SYNE1: variants seen among roughly 807,000 people sequenced by gnomAD.
SYNE1 encodes the protein spectrin repeat containing nuclear envelope protein 1.
In SYNE1, 616 loss-of-function variants were observed where a neutral mutation model predicts 1,111.0. The ratio of observed to expected loss-of-function variants is 0.55; its 90% CI spans 0.52 to 0.59. SYNE1 has a LOEUF of 0.59. Among genes scored for constraint, SYNE1 ranks in the 20% least tolerant of loss-of-function variants. The probability of loss-of-function intolerance (pLI) is 0.00; values close to 1 mark genes in which losing one functional copy is unlikely to be tolerated. For synonymous variants in SYNE1, 3,855 were observed against 3,825.8 expected (o/e 1.01, Z -0.28); for missense variants, 10,006 against 10,417.0 (o/e 0.96, Z 1.72).
intron 3 of SYNE1, among the ~76,000 whole-genome samples, chr6:152,582,159 C>T (rs1266244772): frequency 2.0e-5 from 3 of 152,080 alleles, no homozygotes; most frequent in African/African-American, 7.2e-5. Context: ...CAGCTGCCTG[C>T]CTGAAGGGAA....
chr6:152,447,972 C>T (rs889131370), intron 28 of SYNE1, among the ~76,000 whole-genome samples: 1 of 152,100 alleles, frequency 6.6e-6, no homozygotes, highest in Non-Finnish European at 1.5e-5. Flanking sequence ...TATCTCACTT[C>T]CTTTGAGCTG....
Position 152,322,857 on chromosome 6 carries a change from G to C in SYNE1, c.15917+621C>G, listed in dbSNP as rs570560268. Among the ~76,000 whole-genome samples the C allele has an allele frequency of 5.1e-4, 77 of 152,226 alleles. 1 individual carries two copies. The South Asian group carries it at 0.016, about 31-fold the overall frequency. The stretch of plus-strand genomic sequence containing the variant: ...CCTTCTTTGACCCCTCTCCTCGGCT[G>C]CTTGTCTCTGCTTCGGATTCCCTCA... On this transcript the variant is annotated intron_variant, in intron 82 of 145. Transcript: ENST00000367255.
chr6:152,239,950 C>T, intron 107 of SYNE1, among the ~76,000 whole-genome samples: 1 of 152,154 alleles, frequency 6.6e-6, no homozygotes, highest in Admixed American at 6.5e-5. Context: ...CCTAGCTACT[C>T]AGGAGGCTGA....
intron 6 of SYNE1, among the ~76,000 whole-genome samples, chr6:152,513,258 T>G (rs1256951029): frequency 6.6e-6 from 1 of 152,220 alleles, no homozygotes; most frequent in Non-Finnish European, 1.5e-5. Context: ...TATTTTGAAA[T>G]GTAACTCCCA....
Position 152,387,345 on chromosome 6 carries a change from A to G in SYNE1, c.8214T>C (p.Tyr2738=), listed in dbSNP as rs561155086. 10 of 1,614,160 alleles carry G rather than the reference A, an allele frequency of 6.2e-6. No individual in the cohort carries two copies. In the East Asian group the frequency reaches 6.7e-5, roughly 11 times the overall value. ...LESVISQWND[Y]VERKNQLEQW... ...GCTCCAACTGGTTTTTCCTCTCTACATAGTCATTCCATTGGCTAATCACAG... is the reference window on the plus strand; with the variant it reads ...GCTCCAACTGGTTTTTCCTCTCTACGTAGTCATTCCATTGGCTAATCACAG... The change falls in exon 54 of 146, where the codon TAT becomes TAC. Residue 2738 remains tyrosine, a synonymous_variant. Coordinates refer to ENST00000367255, the MANE Select transcript of SYNE1 (RefSeq NM_182961.4).
At chr6:152,531,097 T>A (rs2099197963) in intron 4 of SYNE1, among the ~76,000 whole-genome samples, 2 of 152,176 alleles carry the variant, frequency 1.3e-5, no homozygotes, top group East Asian at 1.9e-4. Context: ...TTATTTTACT[T>A]AATAATGACC....
intron 20 of SYNE1, chr6:152,462,511 A>G: frequency 1.7e-6 from 1 of 602,160 alleles, no homozygotes; most frequent in Non-Finnish European, 2.9e-6. Flanking sequence ...TGTAGAAAAA[A>G]AAAATCTCCA....
intron 122 of SYNE1, among the ~76,000 whole-genome samples, chr6:152,214,641 CCTT>C (rs1387662695): frequency 5.3e-5 from 8 of 152,172 alleles, no homozygotes; most frequent in African/African-American, 1.9e-4. Flanking sequence ...GCACTGTTGT[CCTT>C]CTGCCTTCCA....
chr6:152,181,362 A>G (rs1035379628), intron 128 of SYNE1, among the ~76,000 whole-genome samples: 51 of 152,144 alleles, frequency 3.4e-4, no homozygotes, highest in Non-Finnish European at 8.8e-5. Context: ...CAGTGAGCCG[A>G]GATTGTGTCA....
At position 152,321,876 on chromosome 6, in the gene SYNE1, T is replaced by C; in HGVS notation, c.15928A>G (p.Lys5310Glu). 1 of 1,614,068 alleles carries C rather than the reference T, an allele frequency of 6.2e-7. No individual in the cohort carries two copies. The highest frequency in any genetic ancestry group is 8.5e-7 in the Non-Finnish European group (1 of 1,179,964). ...MQDRCLNMQE[K>E]VKTNGKLVKQ... is the part of the protein sequence containing the mutation. ...ACCAACTTTCCATTAGTCTTCACTT[T>C]CTCCTGCATGCTTCAGAAACATTAC... The change falls in exon 83 of 146, where the codon AAA becomes GAA. Residue 5310 changes from lysine (K) to glutamate (E), a missense_variant. Lys to Glu is a moderately conservative substitution (Grantham distance 56, BLOSUM62 1). Around this residue, in one of 7 missense-constraint regions of SYNE1, gnomAD observed 4,955 missense variants for 5,017.2 expected, o/e 0.99. Coordinates refer to ENST00000367255, the MANE Select transcript of SYNE1 (RefSeq NM_182961.4).
At chr6:152,404,395 CT>C (rs1345199895) in intron 45 of SYNE1, 81 bp from the exon 46 acceptor site, 8 of 1,131,614 alleles carry the variant, frequency 7.1e-6, no homozygotes, top group Non-Finnish European at 1.1e-5. Flanking sequence ...GAAGAGCTAA[CT>C]TTGTCGAAAT....
chr6:152,453,052 C>T lies in SYNE1; in HGVS notation c.3027+534G>A, dbSNP rs542120861. 2.6e-5 allele frequency among the ~76,000 whole-genome samples: 4 copies of T among 152,238 alleles called. No individual in the cohort carries two copies. In the South Asian group the frequency reaches 8.3e-4, roughly 32 times the overall value. ...CACATTTGGATTTATCATATTTATA[C>T]TTGTATTATTTGCAACTAATTATCT... On this transcript the variant is annotated intron_variant, in intron 25 of 145. Coordinates refer to ENST00000367255, the MANE Select transcript of SYNE1 (RefSeq NM_182961.4).
rs377119739 is a variant in SYNE1 at position 152,300,694 on chromosome 6, G to C, written c.17629C>G (p.Pro5877Ala). The change falls in exon 93 of 146, where the codon CCT (proline) becomes GCT (alanine). Residue 5877 changes from proline (P) to alanine (A), a missense_variant. Pro to Ala is a conservative substitution (Grantham distance 27, BLOSUM62 -1). Around this residue, in one of 7 missense-constraint regions of SYNE1, gnomAD observed 4,955 missense variants for 5,017.2 expected, o/e 0.99. Coordinates refer to ENST00000367255, the MANE Select transcript of SYNE1 (RefSeq NM_182961.4). ...EGTNSEISSP[P>A]ACRSPSPVAN... is the part of the protein sequence containing the mutation. Reference sequence around the variant, plus strand: ...ACAGGTGAAGGGGAGCGACAGGCAGGTGGAGAGGAAATCTCACTGTTGGTT... The same window carrying C: ...ACAGGTGAAGGGGAGCGACAGGCAGCTGGAGAGGAAATCTCACTGTTGGTT... 15 of 1,614,212 alleles carry C rather than the reference G, an allele frequency of 9.3e-6. No homozygotes were observed. In the South Asian group the frequency reaches 1.1e-4, roughly 12 times the overall value.
chr6:152,461,123 T>C (rs1169664089), intron 21 of SYNE1, among the ~76,000 whole-genome samples: 5 of 152,164 alleles, frequency 3.3e-5, no homozygotes, highest in Non-Finnish European at 7.3e-5. Flanking sequence ...AATGTATATA[T>C]TCTAAGCCTA....
intron 14 of SYNE1, among the ~76,000 whole-genome samples, chr6:152,479,519 C>G (rs1157027417): frequency 6.6e-6 from 1 of 152,154 alleles, no homozygotes; most frequent in Non-Finnish European, 1.5e-5. Context: ...TGAAGACAAC[C>G]TGGCTCATCA....
At chr6:152,313,832 G>A (rs539021177) in intron 87 of SYNE1, among the ~76,000 whole-genome samples, 34 of 152,242 alleles carry the variant, frequency 2.2e-4, no homozygotes, top group Admixed American at 3.3e-4. Context: ...TACAGTCTGC[G>A]TTCTCTCTTC....
At chr6:152,299,302 A>G (rs2095048958) in intron 93 of SYNE1, among the ~76,000 whole-genome samples, 1 of 152,240 alleles carries the variant, frequency 6.6e-6, no homozygotes, top group Non-Finnish European at 1.5e-5. Flanking sequence ...TTTCTGTAAT[A>G]ACATCTGTAA....
intron 141 of SYNE1, 101 bp downstream of exon 141, chr6:152,136,517 G>A (rs1177371309): frequency 3.5e-6 from 5 of 1,416,744 alleles, no homozygotes; most frequent in East Asian, 4.8e-5. Context: ...ACTTTGGGGA[G>A]CAACTGCGTC....
chr6:152,594,845 GTC>G (rs1296874899), intron 3 of SYNE1, among the ~76,000 whole-genome samples: 1 of 152,090 alleles, frequency 6.6e-6, no homozygotes, highest in African/African-American at 2.4e-5. Flanking sequence ...TCAATTCCCA[GTC>G]TCTCCTGAGC....
Sources: allele counts gnomAD v4.1 joint callset (sites outside exome capture counted in the v4.1 genomes callset), GRCh38; gene constraint gnomAD v4.1.1; regional missense constraint gnomAD v4.1.1; transcripts MANE v1.5; gene names NCBI Gene and HGNC (gene_info 2026-07-23, HGNC 2026-07-21).